Variants in MON2 observed in about 807,000 individuals in gnomAD.
MON2 encodes the protein MON2 regulator of endosome-to-Golgi trafficking.
MON2 carries 84 observed loss-of-function variants against 208.6 expected under a neutral mutation model. The observed-to-expected ratio is 0.40, with a 90% CI of 0.34 to 0.48. MON2 has a LOEUF of 0.48. MON2 is among the 20% of genes least tolerant of loss of function. MON2 has a pLI of 0.59. For synonymous variants in MON2, 660 were observed against 694.0 expected, an observed-to-expected ratio of 0.95 and a Z score of 0.77; for missense variants, 1,611 against 2,015.4, an observed-to-expected ratio of 0.80 and a Z score of 3.84.
At chr12:62,583,589 C>A (rs2075081810) in intron 32 of MON2, among the ~76,000 whole-genome samples, 1 of 151,678 alleles carries the variant, frequency 6.6e-6, no homozygotes, top group Admixed American at 6.6e-5. Context: ...TATGAAATAT[C>A]AGAATACCTG....
intron 2 of MON2, among the ~76,000 whole-genome samples, chr12:62,487,289 TA>T (rs1252629102): frequency 6.6e-6 from 1 of 152,168 alleles, no homozygotes; most frequent in Non-Finnish European, 1.5e-5. Flanking sequence ...AAATTGTGTT[TA>T]TTATCCTAGC....
At chr12:62,522,654 A>G (rs979081888) in intron 8 of MON2, among the ~76,000 whole-genome samples, 4 of 152,208 alleles carry the variant, frequency 2.6e-5, no homozygotes, top group South Asian at 2.1e-4. Flanking sequence ...GATTTATACC[A>G]TAAGTGCTAA....
Position 62,537,138 on chromosome 12 carries a change from C to T in MON2, c.1901-13C>T, listed in dbSNP as rs1246744537. The T allele has an allele frequency of 2.0e-6, 3 of 1,466,180 alleles. No homozygotes were observed. The highest frequency in any genetic ancestry group is 2.8e-6 in the Non-Finnish European group (3 of 1,069,898). The allele number at this position is 1,466,180 out of a possible 1,614,324, so 90.8% of individuals were successfully genotyped here. A position where few individuals can be genotyped will look rare whatever the true frequency, so the allele number is the denominator to read the frequency against. ...ATATATTTTAATTATTTAGGCTTTC[C>T]TTTGTGTTCTAGCATATTCCGTTCA... On this transcript the variant is annotated splice_polypyrimidine_tract_variant and intron_variant, in intron 14 of 34. Coordinates refer to ENST00000393630, the MANE Select transcript of MON2 (RefSeq NM_015026.3).
At chr12:62,492,083 C>A (rs983459753) in intron 2 of MON2, among the ~76,000 whole-genome samples, 2 of 152,212 alleles carry the variant, frequency 1.3e-5, no homozygotes, top group African/African-American at 4.8e-5. Context: ...CATTTGCCAT[C>A]TTTAGCTGTG....
chr12:62,529,226 T>C (rs2072493916), intron 11 of MON2, among the ~76,000 whole-genome samples: 1 of 152,244 alleles, frequency 6.6e-6, no homozygotes, highest in African/African-American at 2.4e-5. Flanking sequence ...GCTCAAGAGT[T>C]GACACATTAG....
rs145772399 is a variant in MON2, at chr12:62,568,608, G to A, written c.4323+2158G>A. On this transcript the variant is annotated intron_variant, in intron 29 of 34. Transcript: ENST00000393630. The stretch of plus-strand genomic sequence containing the variant: ...CTAACCTCCTTCTCCCAAAGCACTA[G>A]GATTGTAGGTGTGAGCCACTGTGCC... 2.0e-5 allele frequency among the ~76,000 whole-genome samples: 3 copies of A among 152,236 alleles called. No homozygotes were observed. The East Asian group carries it at 5.8e-4, about 29-fold the overall frequency.
At chr12:62,508,690 G>C in intron 8 of MON2, 3 of 487,584 alleles carry the variant, frequency 6.2e-6, no homozygotes, top group Non-Finnish European at 1.1e-5. Context: ...GTGTGAAGCA[G>C]AGTCATTGCC....
intron 34 of MON2, chr12:62,588,871 T>G: frequency 1.4e-6 from 2 of 1,479,602 alleles, no homozygotes; most frequent in Non-Finnish European, 1.8e-6. Context: ...ATCAGCCTAT[T>G]TGGAATACCA....
At chr12:62,566,268 G>A (rs2136377485) in intron 28 of MON2, 54 bp from the exon 29 acceptor site, 1 of 1,572,480 alleles carries the variant, frequency 6.4e-7, no homozygotes, top group Non-Finnish European at 8.6e-7. Context: ...AAAACAATAT[G>A]ATTAATTTAA....
intron 4 of MON2, among the ~76,000 whole-genome samples, chr12:62,496,816 C>T (rs1291122897): frequency 2.0e-5 from 3 of 151,564 alleles, no homozygotes; most frequent in Non-Finnish European, 4.4e-5. Flanking sequence ...GGTATATACC[C>T]AAAGGACTAT....
At chr12:62,535,947 A>G (rs577710930) in intron 14 of MON2, among the ~76,000 whole-genome samples, 2 of 152,182 alleles carry the variant, frequency 1.3e-5, no homozygotes, top group South Asian at 2.1e-4. Flanking sequence ...TTGAGCACCA[A>G]CATGACAAAG....
chr12:62,572,402 A>G (rs765424558), intron 30 of MON2, among the ~76,000 whole-genome samples: 1 of 152,194 alleles, frequency 6.6e-6, no homozygotes, highest in Non-Finnish European at 1.5e-5. Context: ...ATAGCCAGGC[A>G]GTGTTTAATC....
At chr12:62,515,458 C>T (rs942585938) in intron 8 of MON2, among the ~76,000 whole-genome samples, 2 of 152,024 alleles carry the variant, frequency 1.3e-5, no homozygotes, top group Admixed American at 1.3e-4. Context: ...TGCCAAGGAC[C>T]AGGAGGACAA....
chr12:62,502,768 T>C (rs1467883506), intron 7 of MON2, among the ~76,000 whole-genome samples: 2 of 152,194 alleles, frequency 1.3e-5, no homozygotes, highest in Non-Finnish European at 2.9e-5. Flanking sequence ...GGTCTTGAAC[T>C]GTAATTTAGG....
At chr12:62,579,559 TAAA>T (rs1475755677) in intron 31 of MON2, among the ~76,000 whole-genome samples, 2 of 137,248 alleles carry the variant, frequency 1.5e-5, no homozygotes, top group Non-Finnish European at 3.2e-5. Context: ...CCGTCTCTAC[TAAA>T]AAAAAAAAAA....
chr12:62,479,438 C>G (rs1049444539), intron 1 of MON2, among the ~76,000 whole-genome samples: 2 of 144,504 alleles, frequency 1.4e-5, no homozygotes, highest in Non-Finnish European at 3.0e-5. Context: ...ATATCCCCCC[C>G]CCCCCCCAAA....
At chr12:62,569,404 G>A (rs916113134) in intron 29 of MON2, among the ~76,000 whole-genome samples, 6 of 152,164 alleles carry the variant, frequency 3.9e-5, no homozygotes, top group Non-Finnish European at 8.8e-5. Context: ...AGGCCATTAT[G>A]ACTGGCTGAT....
chr12:62,561,603 G>A (rs1256899825), intron 26 of MON2, among the ~76,000 whole-genome samples: 1 of 151,692 alleles, frequency 6.6e-6, no homozygotes, highest in Non-Finnish European at 1.5e-5. Flanking sequence ...TTTTGTTATT[G>A]CAAAAAAAAT....
At chr12:62,467,901 C>G (rs1239888590) in intron 1 of MON2, among the ~76,000 whole-genome samples, 1 of 151,478 alleles carries the variant, frequency 6.6e-6, no homozygotes, top group Non-Finnish European at 1.5e-5. Flanking sequence ...GCAGTCAGAG[C>G]GAATACACCT....
Sources: gnomAD v4.1 joint callset for allele counts (sites outside exome capture counted in the v4.1 genomes callset) on GRCh38, gnomAD v4.1.1 for gene constraint, MANE v1.5 for transcripts, NCBI Gene and HGNC (gene_info 2026-07-23, HGNC 2026-07-21) for gene names.